NINL: variants seen among roughly 807,000 people sequenced by gnomAD.
NINL encodes ninein-like protein.
In NINL, 153 loss-of-function variants were observed where a neutral mutation model predicts 160.3. That is an observed-to-expected ratio of 0.95 (90% CI 0.84 to 1.09). The LOEUF (loss-of-function observed/expected upper bound fraction) is 1.09. Ranked by LOEUF, NINL falls within the 50% of genes least tolerant of loss-of-function variation. The pLI is 0.00. For synonymous variants in NINL, 800 were observed against 734.8 expected (o/e 1.09, Z -1.43); for missense variants, 1,829 against 1,764.0 (o/e 1.04, Z -0.66).
At chr20:25,498,145 AC>A in intron 9 of NINL, 64 bp downstream of exon 9, 2 of 1,586,054 alleles carry the variant, frequency 1.3e-6, no homozygotes, top group Non-Finnish European at 1.7e-6. Flanking sequence ...TGTGTCCCAG[AC>A]CCCCCTCCAG....
chr20:25,563,571 G>A (rs961403792), intron 1 of NINL, among the ~76,000 whole-genome samples: 1 of 149,790 alleles, frequency 6.7e-6, no homozygotes, highest in Non-Finnish European at 1.5e-5. Context: ...AGTATAAATG[G>A]TCTAAACACA....
chr20:25,494,146 ACACT>A (rs1218082996), intron 10 of NINL, among the ~76,000 whole-genome samples: 3 of 147,336 alleles, frequency 2.0e-5, no homozygotes, highest in African/African-American at 5.1e-5. Flanking sequence ...GGCCCCACAC[ACACT>A]CACAGCACCC....
At chr20:25,483,744 C>T (rs2063448762) in intron 13 of NINL, among the ~76,000 whole-genome samples, 1 of 152,266 alleles carries the variant, frequency 6.6e-6, no homozygotes, top group South Asian at 2.1e-4. Flanking sequence ...CCAGTATGCT[C>T]AGTCACTTGC....
intron 13 of NINL, chr20:25,489,031 A>G: frequency 3.5e-6 from 2 of 578,886 alleles, no homozygotes; most frequent in South Asian, 2.1e-5. Flanking sequence ...AATGCCCTGC[A>G]TGGTCCCTGG....
chr20:25,526,495 C>T lies in NINL; in HGVS notation c.93G>A (p.Glu31=). ...GAAGCTTAAGGCAGAGCTGGGTCAGCTCCTGGCGGTCCAGAAAGCCAGTCC... is the reference window on the plus strand; with the variant it reads ...GAAGCTTAAGGCAGAGCTGGGTCAGTTCCTGGCGGTCCAGAAAGCCAGTCC... ...TTGTGFLDRQ[E]LTQLCLKLHL... is the part of the protein sequence containing the mutation. The change falls in exon 2 of 24, where the codon GAG becomes GAA. Residue 31 remains glutamate, a synonymous_variant. Transcript: ENST00000278886. 1 of 1,614,240 alleles carries T rather than the reference C, an allele frequency of 6.2e-7. No individual in the cohort carries two copies. Among genetic ancestry groups the T allele is most frequent in the South Asian group, 1.1e-5 (1 of 91,086 alleles).
At chr20:25,533,373 T>G (rs1228315841) in intron 1 of NINL, among the ~76,000 whole-genome samples, 4 of 152,066 alleles carry the variant, frequency 2.6e-5, no homozygotes, top group Admixed American at 2.6e-4. Flanking sequence ...AACAGACTGC[T>G]GGGCAAAAAG....
chr20:25,574,107 T>C (rs999265369), intron 1 of NINL, among the ~76,000 whole-genome samples: 2 of 152,332 alleles, frequency 1.3e-5, no homozygotes, highest in Middle Eastern at 6.8e-3. Context: ...CTAAAGTGTA[T>C]CTGTTATTTG....
chr20:25,544,784 G>A (rs1288891454), intron 1 of NINL, among the ~76,000 whole-genome samples: 2 of 152,192 alleles, frequency 1.3e-5, no homozygotes, highest in African/African-American at 2.4e-5. Flanking sequence ...GCAGGGAAAA[G>A]ACATTTGCTA....
In NINL at chr20:25,481,039, C is replaced by G. The variant is rs561675542; in HGVS notation, c.1811-772G>C. 5.2e-4 allele frequency among the ~76,000 whole-genome samples: 79 copies of G among 152,222 alleles called. 1 individual carries two copies. Among genetic ancestry groups the G allele is most frequent in the African/African-American group, 1.9e-3 (78 of 41,540 alleles). On this transcript the variant is annotated intron_variant, in intron 14 of 23. Transcript: ENST00000278886. ...CAGGGGAGGGGGTGCCTTAGGGGTC[C>G]CAGGAGGTCAGTCTCACATGCACAA...
intron 1 of NINL, among the ~76,000 whole-genome samples, chr20:25,552,205 T>C (rs1461580368): frequency 6.6e-6 from 1 of 152,000 alleles, no homozygotes; most frequent in African/African-American, 2.4e-5. Flanking sequence ...CTCAAGCCTT[T>C]TATCATTTTT....
At chr20:25,454,117 A>G (rs1292486120) in intron 23 of NINL, among the ~76,000 whole-genome samples, 5 of 152,158 alleles carry the variant, frequency 3.3e-5, no homozygotes, top group African/African-American at 1.2e-4. Context: ...TTACCCTGGC[A>G]TGAGAGGAAA....
intron 3 of NINL, among the ~76,000 whole-genome samples, chr20:25,514,699 A>ACCGCT (rs2064131709): frequency 6.6e-6 from 1 of 152,204 alleles, no homozygotes; most frequent in Admixed American, 6.5e-5. Flanking sequence ...CTGGAGATAG[A>ACCGCT]GCACCGCTGC....
intron 1 of NINL, among the ~76,000 whole-genome samples, chr20:25,559,219 T>C (rs182861976): frequency 5.5e-4 from 83 of 152,270 alleles, no homozygotes; most frequent in East Asian, 4.8e-3. Flanking sequence ...GGCAGTGTGC[T>C]CAGCTCGGGG....
intron 8 of NINL, chr20:25,499,159 C>T: frequency 1.0e-6 from 1 of 985,414 alleles, no homozygotes; most frequent in Non-Finnish European, 1.2e-6. Context: ...CCACACTGCC[C>T]ACTTCCCAGC....
intron 1 of NINL, among the ~76,000 whole-genome samples, chr20:25,579,479 T>G (rs2065150060): frequency 6.6e-6 from 1 of 152,224 alleles, no homozygotes; most frequent in South Asian, 2.1e-4. Context: ...GCACGGGGAC[T>G]GGGCACAGGT....
intron 2 of NINL, among the ~76,000 whole-genome samples, chr20:25,522,081 T>C (rs2064274382): frequency 1.3e-5 from 2 of 152,112 alleles, no homozygotes; most frequent in South Asian, 4.2e-4. Flanking sequence ...AATTGTTTTT[T>C]ATTTTTAGTA....
chr20:25,482,894 T>C (rs542724075), intron 13 of NINL, among the ~76,000 whole-genome samples: 31 of 149,832 alleles, frequency 2.1e-4, no homozygotes, highest in Non-Finnish European at 3.1e-4. Flanking sequence ...CATGGTGGCA[T>C]GCGCCTGTAA....
Position 25,477,076 on chromosome 20 carries a change from C to T in NINL, c.2215G>A (p.Ala739Thr), listed in dbSNP as rs201729823. 6.2e-5 allele frequency: 99 copies of T among 1,595,366 alleles called. No individual in the cohort carries two copies. In the East Asian group the frequency reaches 8.3e-4, roughly 13 times the overall value. ...CCCGACAGCTCTCCACTCAGCTCCGCCTCAGCCTCTCTCCTGTGGAAGTAG... is the reference window on the plus strand; with the variant it reads ...CCCGACAGCTCTCCACTCAGCTCCGTCTCAGCCTCTCTCCTGTGGAAGTAG... The part of the protein sequence containing the change: ...HLQQIRREAE[A>T]ELSGELSGLG... Residue 739 changes from alanine to threonine, a missense_variant, in exon 17 of 24, where the codon GCG becomes ACG. Physicochemically the swap from Ala to Thr is moderately conservative, Grantham distance 58 (BLOSUM62 0). Coordinates refer to ENST00000278886, the MANE Select transcript of NINL (RefSeq NM_025176.6).
chr20:25,456,241 CAAAAAAAA>C (rs34657031), intron 22 of NINL, among the ~76,000 whole-genome samples: 8 of 40,676 alleles, frequency 2.0e-4, no homozygotes, highest in African/African-American at 3.1e-4. Flanking sequence ...GACTCCATCT[CAAAAAAAA>C]AAAAAAAAAA....
Sources: gnomAD v4.1 joint callset for allele counts (sites outside exome capture counted in the v4.1 genomes callset) on GRCh38, gnomAD v4.1.1 for gene constraint, MANE v1.5 for transcripts, NCBI Gene and HGNC (gene_info 2026-07-23, HGNC 2026-07-21) for gene names.